Variants in CHL1 observed in about 807,000 individuals in gnomAD.
CHL1 encodes the protein neural cell adhesion molecule L1-like protein.
A neutral mutation model predicts 141.9 loss-of-function variants in CHL1; 96 were observed. That is an observed-to-expected ratio of 0.68 (90% CI 0.57 to 0.80). The LOEUF is 0.80. Ranked by LOEUF, CHL1 falls within the 30% of genes least tolerant of loss-of-function variation. The pLI is 0.00. For synonymous variants in CHL1, 613 were observed against 502.2 expected, an observed-to-expected ratio of 1.22 and a Z score of -2.95; for missense variants, 1,820 against 1,457.2, an observed-to-expected ratio of 1.25 and a Z score of -4.05.
intron 2 of CHL1, chr3:282,609 G>C (rs1230842290): frequency 1.3e-5 from 2 of 152,178 alleles, no homozygotes; most frequent in Non-Finnish European, 2.9e-5. Flanking sequence ...TAGTTTTGCT[G>C]TGTATAGAAT....
At chr3:296,528 G>A (rs531386363) in intron 2 of CHL1, among the ~76,000 whole-genome samples, 1 of 151,920 alleles carries the variant, frequency 6.6e-6, no homozygotes, top group South Asian at 2.1e-4. Context: ...TCTAACTCAT[G>A]CTTTCATAGT....
At chr3:276,804 G>C (rs1446970677) in intron 2 of CHL1, among the ~76,000 whole-genome samples, 2 of 148,390 alleles carry the variant, frequency 1.3e-5, no homozygotes, top group Non-Finnish European at 3.0e-5. Flanking sequence ...CAGGAGAATA[G>C]CGTGAACCTG....
chr3:220,905 C>T (rs867019550), intron 1 of CHL1, among the ~76,000 whole-genome samples: 1 of 152,164 alleles, frequency 6.6e-6, no homozygotes, highest in Non-Finnish European at 1.5e-5. Context: ...GTCTGATAAA[C>T]ATTTACAATC....
intron 2 of CHL1, among the ~76,000 whole-genome samples, chr3:280,631 T>C (rs571176122): frequency 1.3e-5 from 2 of 152,178 alleles, no homozygotes; most frequent in Admixed American, 6.5e-5. Context: ...TGTTCAACGA[T>C]GGTCACAAGA....
intron 1 of CHL1, among the ~76,000 whole-genome samples, chr3:217,096 T>A (rs577044124): frequency 1.3e-5 from 2 of 152,122 alleles, no homozygotes; most frequent in African/African-American, 2.4e-5. Flanking sequence ...CCTGTGTGCA[T>A]TGGGGAAGAA....
chr3:242,767 C>G (rs1361047586), intron 1 of CHL1, among the ~76,000 whole-genome samples: 1 of 151,926 alleles, frequency 6.6e-6, no homozygotes, highest in East Asian at 1.9e-4. Context: ...CCTTCTGAAC[C>G]AAAGCTGAAG....
At chr3:262,037 A>C (rs77780278) in intron 2 of CHL1, among the ~76,000 whole-genome samples, 1 of 5,514 alleles carries the variant, frequency 1.8e-4, no homozygotes, top group Non-Finnish European at 3.6e-4. Context: ...CACAGTACTC[A>C]CAGGGCAGGA....
At chr3:325,577 G>GATTAC (rs1251838974) in intron 3 of CHL1, among the ~76,000 whole-genome samples, 2 of 152,012 alleles carry the variant, frequency 1.3e-5, no homozygotes, top group Non-Finnish European at 2.9e-5. Flanking sequence ...AAACACGGAA[G>GATTAC]ATTACAAACA....
chr3:365,527 T>G (rs1006143217), intron 14 of CHL1, among the ~76,000 whole-genome samples: 2 of 152,212 alleles, frequency 1.3e-5, no homozygotes, highest in African/African-American at 4.8e-5. Context: ...ATTCATGGGC[T>G]TAAACATTTA....
intron 1 of CHL1, among the ~76,000 whole-genome samples, chr3:230,380 C>A (rs769523779): frequency 6.6e-6 from 1 of 152,192 alleles, no homozygotes; most frequent in Non-Finnish European, 1.5e-5. Context: ...AGCCTGTTCA[C>A]ACATTCATAA....
chr3:314,329 G>GTATATATATA (rs56292297), intron 2 of CHL1, among the ~76,000 whole-genome samples: 1,588 of 64,850 alleles, frequency 0.024, 106 homozygotes, highest in Non-Finnish European at 0.034. Context: ...CTCTCTATGT[G>GTATATATATA]TATATATATA....
intron 3 of CHL1, among the ~76,000 whole-genome samples, chr3:325,175 GA>G (rs148678934): frequency 0.096 from 14,234 of 148,558 alleles, 953 homozygotes; most frequent in East Asian, 0.33. Flanking sequence ...AAAAAAAAAA[GA>G]AAATTAAAAT....
intron 2 of CHL1, among the ~76,000 whole-genome samples, chr3:293,322 G>C (rs1364175870): frequency 6.6e-6 from 1 of 151,878 alleles, no homozygotes; most frequent in Non-Finnish European, 1.5e-5. Flanking sequence ...GCCAACATGG[G>C]GAAAACTTGT....
At chr3:357,766 A>G (rs1559303562) in intron 11 of CHL1, among the ~76,000 whole-genome samples, 1 of 152,240 alleles carries the variant, frequency 6.6e-6, no homozygotes, top group Non-Finnish European at 1.5e-5. Context: ...GCAATGTTTA[A>G]TTACTTAAAT....
At chr3:381,364 A>G (rs778509972) in intron 16 of CHL1, among the ~76,000 whole-genome samples, 3 of 152,182 alleles carry the variant, frequency 2.0e-5, no homozygotes, top group African/African-American at 7.2e-5. Flanking sequence ...CCAGGTATCT[A>G]TACTGAGGTT....
At chr3:397,685 A>T (rs1452858788) in intron 24 of CHL1, among the ~76,000 whole-genome samples, 2 of 152,150 alleles carry the variant, frequency 1.3e-5, no homozygotes, top group Admixed American at 6.5e-5. Flanking sequence ...TCAAAATGTC[A>T]GTAAAACCAT....
intron 5 of CHL1, among the ~76,000 whole-genome samples, chr3:337,912 G>A (rs1282254453): frequency 6.6e-6 from 1 of 152,138 alleles, no homozygotes; most frequent in Non-Finnish European, 1.5e-5. Flanking sequence ...TGGGTCAAAT[G>A]GTATTTCTAG....
chr3:205,637 GTGTC>G (rs1035514494), intron 1 of CHL1, among the ~76,000 whole-genome samples: 29 of 152,272 alleles, frequency 1.9e-4, no homozygotes, highest in African/African-American at 6.7e-4. Context: ...ATGTTTGTGT[GTGTC>G]TGTGTGTGTG....
chr3:281,694 G>T (rs181443647), intron 2 of CHL1, among the ~76,000 whole-genome samples: 2 of 151,800 alleles, frequency 1.3e-5, no homozygotes, highest in African/African-American at 4.8e-5. Flanking sequence ...CAAATAGCTG[G>T]GATTACAGGC....
Sources: allele counts gnomAD v4.1 joint callset (sites outside exome capture counted in the v4.1 genomes callset), GRCh38; gene constraint gnomAD v4.1.1; transcripts MANE v1.5; gene names NCBI Gene and HGNC (gene_info 2026-07-23, HGNC 2026-07-21).